The following ADGRV1 variants were observed in gnomAD, a reference collection of about 807,000 sequenced individuals.
The protein encoded by ADGRV1 is G-protein coupled receptor 98.
ADGRV1 carries 359 observed loss-of-function variants against 596.2 expected under a neutral mutation model. The ratio of observed to expected loss-of-function variants is 0.60; its 90% CI spans 0.55 to 0.66. The LOEUF is 0.66. Among genes scored for constraint, ADGRV1 ranks in the 30% least tolerant of loss-of-function variants. ADGRV1 has a pLI of 0.00. For synonymous variants in ADGRV1, 2,681 were observed against 2,679.2 expected, an observed-to-expected ratio of 1.00 and a Z score of -0.02; for missense variants, 7,274 against 7,575.6, an observed-to-expected ratio of 0.96 and a Z score of 1.48.
At chr5:91,028,853 A>G (rs1784250463) in intron 85 of ADGRV1, among the ~76,000 whole-genome samples, 1 of 147,124 alleles carries the variant, frequency 6.8e-6, no homozygotes, top group African/African-American at 2.5e-5. Context: ...GTCCTCTTGC[A>G]TCAGCCTCTT....
intron 21 of ADGRV1, among the ~76,000 whole-genome samples, chr5:90,669,091 T>C (rs1445134627): frequency 1.3e-5 from 2 of 152,198 alleles, no homozygotes; most frequent in Admixed American, 1.3e-4. Flanking sequence ...GATGTTACGA[T>C]CCCCATTTTC....
intron 89 of ADGRV1, among the ~76,000 whole-genome samples, chr5:91,161,558 T>G (rs2126964132): frequency 6.6e-6 from 1 of 151,468 alleles, no homozygotes; most frequent in African/African-American, 2.4e-5. Context: ...TTTTTTGATG[T>G]GAAATGTATT....
chr5:90,798,084 C>G (rs1457441293), intron 70 of ADGRV1, among the ~76,000 whole-genome samples: 1 of 151,998 alleles, frequency 6.6e-6, no homozygotes. Context: ...CAGAGCAGAA[C>G]TGAAGGAGAT....
chr5:91,041,578 A>G (rs1034681470), intron 85 of ADGRV1, among the ~76,000 whole-genome samples: 5 of 151,852 alleles, frequency 3.3e-5, no homozygotes, highest in African/African-American at 9.7e-5. Flanking sequence ...TGGCACATGT[A>G]TACCTATGTA....
chr5:91,124,961 A>G (rs1793623535), intron 87 of ADGRV1, among the ~76,000 whole-genome samples: 1 of 152,222 alleles, frequency 6.6e-6, no homozygotes, highest in Non-Finnish European at 1.5e-5. Flanking sequence ...TTGTATTTAT[A>G]AGACAGAGGA....
intron 85 of ADGRV1, among the ~76,000 whole-genome samples, chr5:91,001,359 T>A (rs1010437099): frequency 6.6e-6 from 1 of 152,182 alleles, no homozygotes; most frequent in Admixed American, 6.5e-5. Context: ...ATTATAGGCA[T>A]GAGACACTGC....
chr5:90,604,992 G>A (rs1419810345), intron 1 of ADGRV1, among the ~76,000 whole-genome samples: 1 of 152,110 alleles, frequency 6.6e-6, no homozygotes, highest in Non-Finnish European at 1.5e-5. Context: ...TGTTTCCATG[G>A]TGGGCATATG....
rs373868662 is a variant in ADGRV1 at position 90,653,628 on chromosome 5, A to G, written c.4054A>G (p.Ile1352Val). ...PKYHPSRNNT[I>V]ANFTFSAWVM... is the part of the protein sequence containing the mutation. ...ATACCATCCCTCCAGGAATAATACA[A>G]TTGCCAACTTTACATTCTCAGCTTG... The change falls in exon 20 of 90, where the codon ATT (isoleucine) becomes GTT (valine). Residue 1352 changes from isoleucine (I) to valine (V), a missense_variant. Ile to Val is a conservative substitution (Grantham distance 29). Coordinates refer to ENST00000405460, the MANE Select transcript of ADGRV1 (RefSeq NM_032119.4). The G allele has an allele frequency of 2.3e-5, 37 of 1,613,494 alleles. No individual in the cohort carries two copies. The highest frequency in any genetic ancestry group is 2.7e-5 in the African/African-American group (2 of 74,932).
In ADGRV1 at chr5:90,902,678, C is replaced by T. The variant is rs1001081036; in HGVS notation, c.17856+38821C>T. On this transcript the variant is annotated intron_variant, in intron 83 of 89. Coordinates refer to ENST00000405460, the MANE Select transcript of ADGRV1 (RefSeq NM_032119.4). The stretch of plus-strand genomic sequence containing the variant: ...AGCGATGATAACATTTTGATTCCAA[C>T]GTAGTGGCTGTATTTGATAAGAACT... Among the ~76,000 whole-genome samples the T allele has an allele frequency of 2.6e-5, 4 of 152,254 alleles. No homozygotes were observed. In the East Asian group the frequency reaches 7.7e-4, roughly 29 times the overall value.
chr5:91,074,670 A>G (rs919802133), intron 86 of ADGRV1, among the ~76,000 whole-genome samples: 7 of 152,210 alleles, frequency 4.6e-5, no homozygotes, highest in Admixed American at 3.3e-4. Context: ...AACAATTTCT[A>G]TTCCTTTGGG....
chr5:90,752,177 C>A (rs1431588770), intron 53 of ADGRV1, among the ~76,000 whole-genome samples: 1 of 152,144 alleles, frequency 6.6e-6, no homozygotes, highest in Non-Finnish European at 1.5e-5. Flanking sequence ...CAGCGATAGA[C>A]AATATGCAAT....
chr5:90,810,824 C>T lies in ADGRV1; in HGVS notation c.15564C>T (p.Ile5188=), dbSNP rs2150228694. 6.2e-7 allele frequency: 1 copy of T among 1,614,036 alleles called. No individual in the cohort carries two copies. The change falls in exon 74 of 90, where the codon ATC becomes ATT. Residue 5188 remains isoleucine, a synonymous_variant. Transcript: ENST00000405460. ...CTGAGGCAACTGGTGTATCTGCCAT[C>T]CCTGAGAAACTTGTCACCCTTCATG... is the stretch of plus-strand genomic sequence containing the variant. ...IVTEATGVSA[I]PEKLVTLHGT... is the part of the protein sequence containing the mutation.
intron 79 of ADGRV1, among the ~76,000 whole-genome samples, chr5:90,852,840 G>T (rs1344862156): frequency 6.6e-6 from 1 of 152,166 alleles, no homozygotes; most frequent in Non-Finnish European, 1.5e-5. Context: ...GTAAACTCTT[G>T]TTGAAAACAT....
At chr5:90,867,466 G>T (rs561058402) in intron 83 of ADGRV1, among the ~76,000 whole-genome samples, 1 of 152,178 alleles carries the variant, frequency 6.6e-6, no homozygotes, top group Non-Finnish European at 1.5e-5. Context: ...CAACATTTTG[G>T]GATGTCATTT....
chr5:90,721,569 AATAAAAT>A (rs1751007347), intron 45 of ADGRV1, among the ~76,000 whole-genome samples: 1 of 144,516 alleles, frequency 6.9e-6, no homozygotes, highest in Non-Finnish European at 1.5e-5. Flanking sequence ...AATAAAATAA[AATAAAAT>A]AAAATAAAAT....
chr5:90,949,795 A>G (rs1190301442), intron 83 of ADGRV1, among the ~76,000 whole-genome samples: 1 of 152,228 alleles, frequency 6.6e-6, no homozygotes, highest in Non-Finnish European at 1.5e-5. Context: ...TTAGAGCTGT[A>G]AGACAAGGTA....
intron 50 of ADGRV1, among the ~76,000 whole-genome samples, chr5:90,735,984 T>C (rs1012595314): frequency 2.0e-5 from 3 of 152,168 alleles, no homozygotes; most frequent in Non-Finnish European, 2.9e-5. Flanking sequence ...CTCGCTTAAT[T>C]GCTTTGGCTG....
In ADGRV1 at chr5:90,704,470, T is replaced by C; in HGVS notation, c.8368T>C (p.Tyr2790His). 1.3e-6 allele frequency: 2 copies of C among 1,562,906 alleles called. No individual in the cohort carries two copies. Among genetic ancestry groups the C allele is most frequent in the Non-Finnish European group, 1.7e-6 (2 of 1,148,002 alleles). ...GAAAGAAGTATACCAAGTCATTCTG[T>C]ATGATGTCAGGACACAAGGTAATTC... ...EEKEVYQVIL[Y>H]DVRTQGVPPA... The change falls in exon 36 of 90, where the codon TAT becomes CAT. Residue 2790 changes from tyrosine (Y) to histidine (H), a missense_variant. Transcript: ENST00000405460.
chr5:91,042,771 G>A (rs1459514317), intron 85 of ADGRV1, among the ~76,000 whole-genome samples: 1 of 152,110 alleles, frequency 6.6e-6, no homozygotes, highest in Admixed American at 6.5e-5. Flanking sequence ...TAAAATTATG[G>A]ATGTCAGGAT....
Sources: allele counts gnomAD v4.1 joint callset (sites outside exome capture counted in the v4.1 genomes callset), GRCh38; gene constraint gnomAD v4.1.1; transcripts MANE v1.5; gene names NCBI Gene and HGNC (gene_info 2026-07-23, HGNC 2026-07-21).